DAB1: variants seen among roughly 807,000 people sequenced by gnomAD.
DAB1 encodes disabled homolog 1.
A neutral mutation model predicts 64.6 loss-of-function variants in DAB1; 15 were observed. The ratio of observed to expected loss-of-function variants is 0.23; its 90% CI spans 0.16 to 0.36. The LOEUF (loss-of-function observed/expected upper bound fraction) is 0.36. Among genes scored for constraint, DAB1 ranks in the 10% least tolerant of loss-of-function variants. DAB1 has a pLI of 1.00. For missense variants in DAB1, 596 were observed against 706.7 expected (o/e 0.84, Z 1.78); for synonymous variants, 235 against 251.9 (o/e 0.93, Z 0.64).
chr1:57,695,356 A>AAGGAAG (rs1557427730), intron 6 of DAB1, among the ~76,000 whole-genome samples: 7 of 25,078 alleles, frequency 2.8e-4, no homozygotes, highest in Non-Finnish European at 6.3e-4. Flanking sequence ...AAGAAAGAAA[A>AAGGAAG]GAAAGAAGAA....
intron 3 of DAB1, among the ~76,000 whole-genome samples, chr1:58,442,153 A>C (rs1271576706): frequency 6.6e-6 from 1 of 152,178 alleles, no homozygotes; most frequent in Admixed American, 6.5e-5. Flanking sequence ...GTGTGCGTGA[A>C]TGTGCATGCA....
intron 4 of DAB1, among the ~76,000 whole-genome samples, chr1:58,169,871 C>A (rs1416391135): frequency 2.0e-5 from 3 of 152,118 alleles, no homozygotes; most frequent in Non-Finnish European, 4.4e-5. Context: ...TTTGGCCCGA[C>A]CCAGGTACAT....
At chr1:57,425,064 A>G (rs1396823445), upstream of DAB1, among the ~76,000 whole-genome samples, 2 of 152,064 alleles carry the variant, frequency 1.3e-5, no homozygotes, top group Admixed American at 6.6e-5. Context: ...AAATTCTTCC[A>G]CCTTGAGACT....
rs199810350 is a variant in DAB1, at chr1:58,340,901, A to AGC, written n.309+2450_309+2451insGC. Among the ~76,000 whole-genome samples, 195 of 152,342 alleles carry AGC rather than the reference A, an allele frequency of 1.3e-3. 2 individuals are homozygous for AGC. In the East Asian group the frequency reaches 0.033, roughly 26 times the overall value. ...ACTTGGTACATAGGAGGTGCTAGAAAAGGATAAATGTCGAGAATGTTTGTT... is the reference window on the plus strand; with the variant it reads ...ACTTGGTACATAGGAGGTGCTAGAAAGCAGGATAAATGTCGAGAATGTTTGTT... On this transcript the variant is annotated intron_variant and non_coding_transcript_variant, in intron 4 of 20. Coordinates refer to the DAB1 transcript ENST00000485760.
At chr1:57,732,978 C>A (rs1570777690) in intron 6 of DAB1, among the ~76,000 whole-genome samples, 2 of 152,236 alleles carry the variant, frequency 1.3e-5, no homozygotes, top group East Asian at 1.9e-4. Flanking sequence ...TGGTGCCCTG[C>A]AAATTATGTA....
At chr1:57,835,726 G>A (rs1569813706) in intron 1 of DAB1, among the ~76,000 whole-genome samples, 1 of 152,202 alleles carries the variant, frequency 6.6e-6, no homozygotes, top group Non-Finnish European at 1.5e-5. Context: ...TAGCCCTGCT[G>A]TTTTGCTGGA....
Position 58,034,682 on chromosome 1 carries a change from T to C in DAB1, n.387+115829A>G, listed in dbSNP as rs542394448. On this transcript the variant is annotated intron_variant and non_coding_transcript_variant, in intron 5 of 20. Transcript: ENST00000485760. ...GTTCTAGTAGCAGTTAGCTCAGAAA[T>C]GATTTCTTCCCATCCCAAAGGAGAA... Among the ~76,000 whole-genome samples the C allele has an allele frequency of 2.5e-4, 38 of 152,312 alleles. 1 individual carries two copies. In the South Asian group the frequency reaches 7.7e-3, roughly 31 times the overall value.
At chr1:58,199,466 T>C (rs1392306949) in intron 4 of DAB1, among the ~76,000 whole-genome samples, 1 of 152,204 alleles carries the variant, frequency 6.6e-6, no homozygotes, top group Non-Finnish European at 1.5e-5. Flanking sequence ...GGCAAATTAC[T>C]TAATCTCTCT....
At chr1:57,028,972 T>C (rs1052960344) in intron 9 of DAB1, among the ~76,000 whole-genome samples, 8 of 152,216 alleles carry the variant, frequency 5.3e-5, no homozygotes, top group Non-Finnish European at 1.0e-4. Context: ...GAAATTTGCA[T>C]AAGTAGCAAG....
intron 5 of DAB1, among the ~76,000 whole-genome samples, chr1:57,937,771 C>A (rs1051104557): frequency 6.6e-6 from 1 of 152,202 alleles, no homozygotes; most frequent in Non-Finnish European, 1.5e-5. Context: ...TCCTTTCTTG[C>A]TCCTCACTGG....
At chr1:57,618,153 G>A (rs1645810967) in intron 7 of DAB1, among the ~76,000 whole-genome samples, 1 of 152,164 alleles carries the variant, frequency 6.6e-6, no homozygotes, top group South Asian at 2.1e-4. Flanking sequence ...GGTGGCTCAC[G>A]CCTGTAATCC....
At chr1:57,241,938 C>T (rs963286016) in intron 2 of DAB1, among the ~76,000 whole-genome samples, 6 of 152,216 alleles carry the variant, frequency 3.9e-5, no homozygotes, top group Non-Finnish European at 5.9e-5. Flanking sequence ...ATGAATACTA[C>T]TTGTCAGTGA....
intron 2 of DAB1, among the ~76,000 whole-genome samples, chr1:57,185,479 G>A (rs923812626): frequency 7.2e-5 from 11 of 152,106 alleles, no homozygotes; most frequent in Non-Finnish European, 1.6e-4. Context: ...TCAAGAGTTA[G>A]AAGGAGGGAG....
chr1:57,058,740 G>A (rs1386329883), intron 9 of DAB1, among the ~76,000 whole-genome samples: 1 of 152,198 alleles, frequency 6.6e-6, no homozygotes, highest in East Asian at 1.9e-4. Context: ...ATAGAGCAAA[G>A]GGCTCACTCA....
At chr1:57,931,769 C>T (rs920197702) in intron 5 of DAB1, among the ~76,000 whole-genome samples, 4 of 152,110 alleles carry the variant, frequency 2.6e-5, no homozygotes, top group East Asian at 1.9e-4. Flanking sequence ...TACAGGCTTT[C>T]GATCTTACTG....
At chr1:57,320,780 A>C (rs1269471451) in intron 1 of DAB1, among the ~76,000 whole-genome samples, 2 of 152,188 alleles carry the variant, frequency 1.3e-5, no homozygotes, top group Non-Finnish European at 2.9e-5. Context: ...ATATAATCTC[A>C]TTTAATCACA....
chr1:57,226,672 A>AAAAAAAAAT (rs747021990), intron 2 of DAB1, among the ~76,000 whole-genome samples: 2 of 136,000 alleles, frequency 1.5e-5, no homozygotes, highest in African/African-American at 6.2e-5. Context: ...TTAAAAAAAA[A>AAAAAAAAAT]ATATATATAT....
At chr1:58,126,518 C>T (rs896614144) in intron 5 of DAB1, among the ~76,000 whole-genome samples, 5 of 150,816 alleles carry the variant, frequency 3.3e-5, no homozygotes, top group African/African-American at 1.2e-4. Context: ...AGGTTAGTTA[C>T]ATATGTATAC....
intron 3 of DAB1, among the ~76,000 whole-genome samples, chr1:58,367,868 G>C (rs1041311140): frequency 1.3e-5 from 2 of 152,158 alleles, no homozygotes; most frequent in African/African-American, 2.4e-5. Context: ...CTGATATAAT[G>C]TTGAAATGGC....
Sources: gnomAD v4.1 joint callset for allele counts (sites outside exome capture counted in the v4.1 genomes callset) on GRCh38, gnomAD v4.1.1 for gene constraint, MANE v1.5 for transcripts, NCBI Gene and HGNC (gene_info 2026-07-23, HGNC 2026-07-21) for gene names.